The following KPNA6 variants were observed in gnomAD, a reference collection of about 807,000 sequenced individuals.
KPNA6 encodes importin subunit alpha-7.
In KPNA6, 9 loss-of-function variants were observed where a neutral mutation model predicts 72.0. The observed-to-expected ratio is 0.13, with a 90% confidence interval of 0.08 to 0.22. The LOEUF is 0.22. Ranked by LOEUF, KPNA6 falls within the 10% of genes least tolerant of loss-of-function variation. The pLI is 1.00. For missense variants in KPNA6, 374 were observed against 655.7 expected (o/e 0.57, Z 4.69); for synonymous variants, 219 against 242.1 (o/e 0.90, Z 0.89).
chr1:32,123,976 G>A (rs1238473577), intron 1 of KPNA6, among the ~76,000 whole-genome samples: 1 of 144,954 alleles, frequency 6.9e-6, no homozygotes, highest in Non-Finnish European at 1.5e-5. Context: ...GGAGGTTGCA[G>A]TGAGCTGAGG....
chr1:32,162,365 C>T lies in KPNA6; in HGVS notation c.752C>T (p.Ser251Phe), dbSNP rs767067967. The stretch of plus-strand genomic sequence containing the variant: ...TTCTCACTCTGCTTCCCACAGGTCT[C>T]TCCTTGTTTGCCTGTACTGTCTCGC... Reference protein sequence around the residue: ...KNPPPEFAKVSPCLPVLSRLL... With the variant: ...KNPPPEFAKVFPCLPVLSRLL... Residue 251 changes from serine to phenylalanine, a missense_variant, in exon 9 of 14, where the codon TCT (serine) becomes TTT (phenylalanine). Physicochemically the swap from Ser to Phe is radical, Grantham distance 155. Coordinates refer to ENST00000373625, the MANE Select transcript of KPNA6 (RefSeq NM_012316.5). 1 of 1,592,692 alleles carries T rather than the reference C, an allele frequency of 6.3e-7. No homozygotes were observed. Among genetic ancestry groups the T allele is most frequent in the South Asian group, 1.1e-5 (1 of 87,074 alleles).
At chr1:32,153,985 A>G (rs773679941) in intron 1 of KPNA6, among the ~76,000 whole-genome samples, 2 of 152,112 alleles carry the variant, frequency 1.3e-5, no homozygotes, top group Non-Finnish European at 2.9e-5. Flanking sequence ...CGTCTCTACT[A>G]AAAATATAAA....
intron 13 of KPNA6, among the ~76,000 whole-genome samples, chr1:32,170,447 A>G (rs752199131): frequency 2.6e-5 from 4 of 152,176 alleles, no homozygotes; most frequent in Non-Finnish European, 5.9e-5. Context: ...GAGGCTGATG[A>G]TGTGCCCAGG....
intron 1 of KPNA6, among the ~76,000 whole-genome samples, chr1:32,149,930 C>CTGTT (rs1641998532): frequency 6.6e-6 from 1 of 151,734 alleles, no homozygotes; most frequent in South Asian, 2.1e-4. Context: ...TTCTGACTTA[C>CTGTT]GGTTTCTGAC....
intron 11 of KPNA6, 94 bp from the exon 12 acceptor site, chr1:32,167,075 G>T (rs1033828817): frequency 1.4e-6 from 2 of 1,456,838 alleles, no homozygotes; most frequent in Admixed American, 1.9e-5. Flanking sequence ...GAATGGGGAA[G>T]ATGTCTAAGT....
chr1:32,124,429 A>G (rs1641495033), intron 1 of KPNA6, among the ~76,000 whole-genome samples: 1 of 151,674 alleles, frequency 6.6e-6, no homozygotes, highest in Admixed American at 6.6e-5. Flanking sequence ...TAATCCCAGC[A>G]CTTTGGGAGG....
intron 1 of KPNA6, among the ~76,000 whole-genome samples, chr1:32,120,242 T>A (rs1641407954): frequency 6.6e-6 from 1 of 151,726 alleles, no homozygotes; most frequent in Non-Finnish European, 1.5e-5. Context: ...TTTTTTTAAA[T>A]GTTAATTTTT....
chr1:32,143,104 C>A (rs919561013), intron 1 of KPNA6: 1 of 850,568 alleles, frequency 1.2e-6, no homozygotes, highest in Non-Finnish European at 1.7e-6. Flanking sequence ...ATAATCGGGC[C>A]TCAAAAGGAG....
intron 1 of KPNA6, among the ~76,000 whole-genome samples, chr1:32,133,201 G>C (rs1481043480): frequency 1.3e-5 from 2 of 151,842 alleles, no homozygotes; most frequent in Non-Finnish European, 2.9e-5. Flanking sequence ...AAAATTAGCC[G>C]GGTGTGGTGG....
chr1:32,133,514 T>TA (rs2124537400), intron 1 of KPNA6, among the ~76,000 whole-genome samples: 2 of 51,596 alleles, frequency 3.9e-5, no homozygotes, highest in East Asian at 7.3e-4. Flanking sequence ...ACCTAGTCTC[T>TA]ACAAAAAAAA....
At chr1:32,149,965 T>C (rs1374238162) in intron 1 of KPNA6, among the ~76,000 whole-genome samples, 1 of 152,112 alleles carries the variant, frequency 6.6e-6, no homozygotes, top group Non-Finnish European at 1.5e-5. Flanking sequence ...TTCTTATCTT[T>C]GGTCTTAATA....
Position 32,142,876 on chromosome 1 carries a change from A to G in KPNA6, c.5-11712A>G, listed in dbSNP as rs1641862815. On this transcript the variant is annotated intron_variant, in intron 1 of 13. Coordinates refer to ENST00000373625, the MANE Select transcript of KPNA6 (RefSeq NM_012316.5). ...CCTTGTCTGCTTCCCCAGTGAAGTC[A>G]TAAGCAAATATTTGTGATAGTTTCT... 19 of 1,147,418 alleles carry G rather than the reference A, an allele frequency of 1.7e-5. No homozygotes were observed. In the South Asian group the frequency reaches 2.6e-4, roughly 16 times the overall value. The allele number at this position is 1,147,418 out of a possible 1,614,324, so 71.1% of individuals were successfully genotyped here.
At chr1:32,121,257 G>A (rs1173426745) in intron 1 of KPNA6, among the ~76,000 whole-genome samples, 1 of 152,184 alleles carries the variant, frequency 6.6e-6, no homozygotes, top group Non-Finnish European at 1.5e-5. Flanking sequence ...GAATAAGAGA[G>A]TTAGGAATTT....
chr1:32,111,627 C>A (rs1641244298), intron 1 of KPNA6, among the ~76,000 whole-genome samples: 1 of 152,122 alleles, frequency 6.6e-6, no homozygotes, highest in South Asian at 2.1e-4. Context: ...GGTGACTAGT[C>A]CAAGGCTGGT....
rs1642452853 is a variant in KPNA6 at position 32,172,314 on chromosome 1, G to C, written c.*1420G>C. The C allele has an allele frequency of 6.6e-6, 1 of 152,118 alleles. No individual in the cohort carries two copies. The highest frequency in any genetic ancestry group is 1.5e-5 in the Non-Finnish European group (1 of 68,046). The allele number at this position is 152,118 out of a possible 1,614,324, so 9.4% of individuals were successfully genotyped here. On this transcript the variant is annotated 3_prime_UTR_variant, in exon 14 of 14. Transcript: ENST00000373625. ...TGTCCCAGGACCTGAAGGGAGCAAG[G>C]ATGGCCTCAGGGCCTGGTGAAGTCT...
Position 32,157,230 on chromosome 1 carries a change from A to G in KPNA6, c.232-116A>G, listed in dbSNP as rs563481504. ...TAAACAGACCCCTTCTCCTGAGCCT[A>G]TTATGCCATCCTCTTGCCCTCAGTT... On this transcript the variant is annotated intron_variant, in intron 3 of 13. Transcript: ENST00000373625. 6.8e-6 allele frequency: 5 copies of G among 730,424 alleles called. No individual in the cohort carries two copies. In the South Asian group the frequency reaches 8.8e-5, roughly 13 times the overall value. The allele number at this position is 730,424 out of a possible 1,614,324, so 45.2% of individuals were successfully genotyped here. A position where few individuals can be genotyped will look rare whatever the true frequency, so the allele number is the denominator to read the frequency against.
intron 5 of KPNA6, among the ~76,000 whole-genome samples, chr1:32,158,909 C>A (rs1642190518): frequency 6.6e-6 from 1 of 152,198 alleles, no homozygotes; most frequent in Non-Finnish European, 1.5e-5. Flanking sequence ...AGGCTATAGT[C>A]CACTACCTGT....
chr1:32,108,459 G>A (rs1302927729), intron 1 of KPNA6, among the ~76,000 whole-genome samples: 1 of 152,256 alleles, frequency 6.6e-6, no homozygotes, highest in Non-Finnish European at 1.5e-5. Context: ...GGGGCTGGGG[G>A]ACGGGCTCCC....
rs980488574 is a variant in KPNA6, at chr1:32,174,476, T to C, written c.*3582T>C. ...CCCCCACACCCTAAAGTTGTACTTG[T>C]TTCTAGCAAACTAGAAGGAAAAGAT... On this transcript the variant is annotated 3_prime_UTR_variant, in exon 14 of 14. Transcript: ENST00000373625. The C allele has an allele frequency of 6.6e-6, 1 of 152,208 alleles. No individual in the cohort carries two copies. Among genetic ancestry groups the C allele is most frequent in the African/African-American group, 2.4e-5 (1 of 41,432 alleles). 9.4% of individuals were successfully genotyped at this position (152,208 alleles called of 1,614,324 possible).
Sources: allele counts gnomAD v4.1 joint callset (sites outside exome capture counted in the v4.1 genomes callset), GRCh38; gene constraint gnomAD v4.1.1; transcripts MANE v1.5; gene names NCBI Gene and HGNC (gene_info 2026-07-23, HGNC 2026-07-21).